The following PRKAB1 variants were observed in gnomAD, a reference collection of about 807,000 sequenced individuals.
PRKAB1 encodes the protein 5'-AMP-activated protein kinase subunit beta-1.
Under a neutral mutation model 32.0 loss-of-function variants are expected in PRKAB1, and 18 were observed. The ratio of observed to expected loss-of-function variants is 0.56; its 90% CI spans 0.39 to 0.83. The LOEUF (loss-of-function observed/expected upper bound fraction) is 0.83. PRKAB1 is among the 40% of genes least tolerant of loss of function. PRKAB1 has a pLI of 0.00. For missense variants in PRKAB1, 263 were observed against 352.6 expected, an observed-to-expected ratio of 0.75 and a Z score of 2.03; for synonymous variants, 141 against 141.4, an observed-to-expected ratio of 1.00 and a Z score of 0.02.
In PRKAB1 at chr12:119,676,616, T is replaced by C. The variant is rs1955428223; in HGVS notation, c.612T>C (p.Pro204=). 5 of 1,613,854 alleles carry C rather than the reference T, an allele frequency of 3.1e-6. 1 individual carries two copies. The highest frequency in any genetic ancestry group is 4.2e-6 in the Non-Finnish European group (5 of 1,179,924). ...CCGAAGAGCGCTTTCGGGCACCCCCTATTCTCCCCCCACATCTCCTCCAGG... is the reference window on the plus strand; with the variant it reads ...CCGAAGAGCGCTTTCGGGCACCCCCCATTCTCCCCCCACATCTCCTCCAGG... ...CKPEERFRAP[P]ILPPHLLQVI... Residue 204 remains proline, a synonymous_variant, in exon 5 of 7, where the codon CCT becomes CCC. Transcript: ENST00000229328.
At position 119,668,418 on chromosome 12, in the gene PRKAB1, G is replaced by C. The variant is rs762810825; in HGVS notation, c.159+15G>C. On this transcript the variant is annotated intron_variant, in intron 1 of 6. Transcript: ENST00000229328. The stretch of plus-strand genomic sequence containing the variant: ...AGGAAATCAAGGTGCGAGCGGTGTG[G>C]AGGAACCCGATTCCCCTTGACTAAT... 3 of 1,611,156 alleles carry C rather than the reference G, an allele frequency of 1.9e-6. No homozygotes were observed. The highest frequency in any genetic ancestry group is 1.7e-6 in the Non-Finnish European group (2 of 1,178,902).
Position 119,677,820 on chromosome 12 carries a change from T to A in PRKAB1, c.666+1150T>A, listed in dbSNP as rs946356939. ...TGCTCTGTTGCCCAGGCTGGAGTGC[T>A]GTGGTGCCATCTTGGCTCACTGCAA... On this transcript the variant is annotated intron_variant, in intron 5 of 6. Transcript: ENST00000229328. 3 of 144,252 alleles carry A rather than the reference T, an allele frequency of 2.1e-5. No homozygotes were observed. The Admixed American group carries it at 2.2e-4, about 11-fold the overall frequency. 8.9% of individuals were successfully genotyped at this position (144,252 alleles called of 1,614,324 possible).
intron 6 of PRKAB1, 122 bp downstream of exon 6, chr12:119,680,123 A>T: frequency 6.7e-7 from 1 of 1,484,628 alleles, no homozygotes; most frequent in Non-Finnish European, 9.4e-7. Context: ...GGCACAGGCC[A>T]TCAGGCTCAG....
chr12:119,675,322 C>A (rs939643232), intron 4 of PRKAB1, among the ~76,000 whole-genome samples: 2 of 152,176 alleles, frequency 1.3e-5, no homozygotes, highest in Non-Finnish European at 2.9e-5. Context: ...GTTACCAGTT[C>A]AGAAATCACA....
rs2136862243 is a variant in PRKAB1 at position 119,680,413 on chromosome 12, A to C, written c.*88A>C. 1 of 1,311,622 alleles carries C rather than the reference A, an allele frequency of 7.6e-7. No individual in the cohort carries two copies. 81.2% of individuals were successfully genotyped at this position (1,311,622 alleles called of 1,614,324 possible). ...TTCCCCAAGAGGGAATGGACTGTAC[A>C]TTGCTCATTTCACACTCTTCAGAAG... On this transcript the variant is annotated 3_prime_UTR_variant, in exon 7 of 7. Coordinates refer to ENST00000229328, the MANE Select transcript of PRKAB1 (RefSeq NM_006253.5).
At position 119,679,895 on chromosome 12, in the gene PRKAB1, A is replaced by G. The variant is rs746922833; in HGVS notation, c.667-38A>G. 3.7e-6 allele frequency: 6 copies of G among 1,604,596 alleles called. No homozygotes were observed. Among genetic ancestry groups the G allele is most frequent in the Middle Eastern group, 3.3e-4 (2 of 6,036 alleles). On this transcript the variant is annotated intron_variant, in intron 5 of 6. Transcript: ENST00000229328. The surrounding 1 kb of genome is among the most constrained non-coding windows in gnomAD (Gnocchi z 4.1). The stretch of plus-strand genomic sequence containing the variant: ...GTAAAGGGGAGAATCTTGGTTTCCA[A>G]ATCCCAAATGCTCACCGCTGCCTTT...
chr12:119,669,598 A>T (rs1226959124), intron 1 of PRKAB1: 3 of 141,150 alleles, frequency 2.1e-5, no homozygotes, highest in African/African-American at 8.1e-5. Flanking sequence ...CTTCTTTGAG[A>T]TGGAGTCTCA....
At chr12:119,673,705 C>A in intron 2 of PRKAB1, 1 of 346,916 alleles carries the variant, frequency 2.9e-6, no homozygotes, top group Non-Finnish European at 5.2e-6. Context: ...GACTGTTGAC[C>A]TTTTAACATT....
chr12:119,673,387 G>C (rs1036518976), intron 2 of PRKAB1, among the ~76,000 whole-genome samples: 2 of 152,218 alleles, frequency 1.3e-5, no homozygotes, highest in Non-Finnish European at 2.9e-5. Flanking sequence ...AAAGTGTCAG[G>C]CCTATTGTCA....
At position 119,668,464 on chromosome 12, in the gene PRKAB1, A is replaced by G. The variant is rs1049215188; in HGVS notation, c.159+61A>G. 3.2e-6 allele frequency: 5 copies of G among 1,576,096 alleles called. No individual in the cohort carries two copies. The African/African-American group carries it at 4.1e-5, about 13-fold the overall frequency. ...CTAATGTTGAGGAGAGGAACCCTCCACTAGATTCCCGTCACATCCTTTCGA... is the reference window on the plus strand; with the variant it reads ...CTAATGTTGAGGAGAGGAACCCTCCGCTAGATTCCCGTCACATCCTTTCGA... On this transcript the variant is annotated intron_variant, in intron 1 of 6. Transcript: ENST00000229328.
At chr12:119,669,460 G>A (rs969394978) in intron 1 of PRKAB1, 1 of 150,246 alleles carries the variant, frequency 6.7e-6, no homozygotes, top group Non-Finnish European at 1.5e-5. Flanking sequence ...GTAGAGACGG[G>A]GTTTCACCGT....
intron 5 of PRKAB1, chr12:119,678,637 GGC>G (rs1355339242): frequency 6.6e-6 from 1 of 152,224 alleles, no homozygotes; most frequent in Non-Finnish European, 1.5e-5. Context: ...TTCTGTGCCT[GGC>G]TCATTTCACT....
In PRKAB1 at chr12:119,679,051, T is replaced by C. The variant is rs1341639932; in HGVS notation, c.667-882T>C. On this transcript the variant is annotated intron_variant, in intron 5 of 6. Transcript: ENST00000229328. The surrounding 1 kb of genome is among the most constrained non-coding windows in gnomAD (Gnocchi z 4.1). ...GTTCTGCGTGTGTTGATGAGCTTGA[T>C]TTAGCCATTCCACAATGTGTCCATA... The C allele has an allele frequency of 1.3e-5, 2 of 152,252 alleles. No homozygotes were observed. Among genetic ancestry groups the C allele is most frequent in the Non-Finnish European group, 2.9e-5 (2 of 68,044 alleles). The allele number at this position is 152,252 out of a possible 1,614,324, so 9.4% of individuals were successfully genotyped here.
chr12:119,671,528 A>G (rs1287690675), intron 1 of PRKAB1: 3 of 404,280 alleles, frequency 7.4e-6, no homozygotes, highest in Non-Finnish European at 1.0e-5. Context: ...AGCAGGGGAA[A>G]TGCCAGATGC....
At position 119,672,295 on chromosome 12, in the gene PRKAB1, T is replaced by C. The variant is rs1429179719; in HGVS notation, c.160-6T>C. Reference sequence around the variant, plus strand: ...TGGCTTTCTGAGTAAACTGCTCTGCTTCTAGGCACCAGAGAAGGAGGAATT... The same window carrying C: ...TGGCTTTCTGAGTAAACTGCTCTGCCTCTAGGCACCAGAGAAGGAGGAATT... On this transcript the variant is annotated splice_polypyrimidine_tract_variant and splice_region_variant and intron_variant, in intron 1 of 6. Coordinates refer to ENST00000229328, the MANE Select transcript of PRKAB1 (RefSeq NM_006253.5). 3 of 1,602,860 alleles carry C rather than the reference T, an allele frequency of 1.9e-6. No homozygotes were observed. The highest frequency in any genetic ancestry group is 1.1e-5 in the South Asian group (1 of 89,296).
chr12:119,679,912 G>T lies in PRKAB1; in HGVS notation c.667-21G>T. On this transcript the variant is annotated intron_variant, in intron 5 of 6. Coordinates refer to ENST00000229328, the MANE Select transcript of PRKAB1 (RefSeq NM_006253.5). This position sits in a 1 kb window ranked among gnomAD's most constrained non-coding sequence, Gnocchi z 4.1. ...GGTTTCCAAATCCCAAATGCTCACC[G>T]CTGCCTTTGTTCCCTCACAGTGTGA... 1 of 1,612,706 alleles carries T rather than the reference G, an allele frequency of 6.2e-7. No individual in the cohort carries two copies. Among genetic ancestry groups the T allele is most frequent in the Non-Finnish European group, 8.5e-7 (1 of 1,178,728 alleles).
chr12:119,679,836 C>T lies in PRKAB1; in HGVS notation c.667-97C>T. 3 of 1,346,906 alleles carry T rather than the reference C, an allele frequency of 2.2e-6. No homozygotes were observed. Among genetic ancestry groups the T allele is most frequent in the South Asian group, 2.4e-5 (2 of 84,926 alleles). The allele number at this position is 1,346,906 out of a possible 1,614,324, so 83.4% of individuals were successfully genotyped here. A position where few individuals can be genotyped will look rare whatever the true frequency, so the allele number is the denominator to read the frequency against. ...TTGGGAAGAGAGGTCGGCCTGAGCGCTGCCTCCTGTCCTTTGATATCTGGC... is the reference window on the plus strand; with the variant it reads ...TTGGGAAGAGAGGTCGGCCTGAGCGTTGCCTCCTGTCCTTTGATATCTGGC... On this transcript the variant is annotated intron_variant, in intron 5 of 6. Coordinates refer to ENST00000229328, the MANE Select transcript of PRKAB1 (RefSeq NM_006253.5). The surrounding 1 kb of genome is among the most constrained non-coding windows in gnomAD (Gnocchi z 4.1).
chr12:119,680,328 A>T lies in PRKAB1; in HGVS notation c.*3A>T, dbSNP rs369388459. On this transcript the variant is annotated 3_prime_UTR_variant, in exon 7 of 7. Coordinates refer to ENST00000229328, the MANE Select transcript of PRKAB1 (RefSeq NM_006253.5). Reference sequence around the variant, plus strand: ...CCTTGTTATACAAGCCCATATGAAGAGCTGGGGGCGGATGGTGGCCCAGGA... The same window carrying T: ...CCTTGTTATACAAGCCCATATGAAGTGCTGGGGGCGGATGGTGGCCCAGGA... The T allele has an allele frequency of 4.3e-6, 7 of 1,613,540 alleles. No homozygotes were observed. Among genetic ancestry groups the T allele is most frequent in the Non-Finnish European group, 5.1e-6 (6 of 1,179,550 alleles).
In PRKAB1 at chr12:119,674,212, T is replaced by C. The variant is rs541027690; in HGVS notation, c.418-128T>C. 4.9e-6 allele frequency: 5 copies of C among 1,018,952 alleles called. No individual in the cohort carries two copies. The South Asian group carries it at 6.0e-5, about 12-fold the overall frequency. 63.1% of individuals were successfully genotyped at this position (1,018,952 alleles called of 1,614,324 possible). The stretch of plus-strand genomic sequence containing the variant: ...AGCACTACCTGTCAGACAGTTGGCA[T>C]ACTTGACCAAGATGAGCAGGGTGGC... On this transcript the variant is annotated intron_variant, in intron 3 of 6. Transcript: ENST00000229328. The surrounding 1 kb of genome is among the most constrained non-coding windows in gnomAD (Gnocchi z 4.3).
Sources: gnomAD v4.1 joint callset for allele counts (sites outside exome capture counted in the v4.1 genomes callset) on GRCh38, gnomAD v4.1.1 for gene constraint, Gnocchi (gnomAD v3.1) non-coding constraint, MANE v1.5 for transcripts, NCBI Gene and HGNC (gene_info 2026-07-23, HGNC 2026-07-21) for gene names.